The following DUS1L variants were observed in gnomAD, a reference collection of about 807,000 sequenced individuals.
DUS1L encodes the protein dihydrouridine synthase 1 like.
Under a neutral mutation model 61.2 loss-of-function variants are expected in DUS1L, and 56 were observed. The ratio of observed to expected loss-of-function variants is 0.92; its 90% CI spans 0.74 to 1.14. The LOEUF (loss-of-function observed/expected upper bound fraction) is 1.14, where lower values mean the gene tolerates loss of function less well. DUS1L is among the 50% of genes most tolerant of loss of function. The probability of loss-of-function intolerance (pLI) is 0.00; values close to 1 mark genes in which losing one functional copy is unlikely to be tolerated. For synonymous variants in DUS1L, 278 were observed against 259.5 expected (o/e 1.07, Z -0.69); for missense variants, 630 against 632.4 (o/e 1.00, Z 0.04).
rs1324047669 is a variant in DUS1L at position 82,060,098 on chromosome 17, G to C, written c.1023-5C>G. The C allele has an allele frequency of 6.2e-7, 1 of 1,611,942 alleles. No homozygotes were observed. The highest frequency in any genetic ancestry group is 8.5e-7 in the Non-Finnish European group (1 of 1,179,420). On this transcript the variant is annotated splice_polypyrimidine_tract_variant and splice_region_variant and intron_variant, in intron 10 of 13. Transcript: ENST00000306796. ...TCCTTGCTCCCCTCCCTGGGCCTGA[G>C]GGGAGGGCAGCGGGCAGAGCCCAAG... is the stretch of plus-strand genomic sequence containing the variant.
intron 1 of DUS1L, 197 bp from the exon 2 acceptor site, chr17:82,065,266 A>T: frequency 1.8e-6 from 1 of 553,678 alleles, no homozygotes; most frequent in Non-Finnish European, 3.2e-6. Flanking sequence ...ACCTCGGGGG[A>T]GCCGCTGGAC....
chr17:82,060,272 G>A (rs982811263), intron 10 of DUS1L, 179 bp from the exon 11 acceptor site: 7 of 791,162 alleles, frequency 8.8e-6, no homozygotes, highest in Admixed American at 8.8e-5. Context: ...GGAGTCCGGG[G>A]CCTCTGAGAT....
intron 10 of DUS1L, chr17:82,060,412 C>A: frequency 1.7e-6 from 1 of 578,472 alleles, no homozygotes; most frequent in South Asian, 2.3e-5. Context: ...GGCAAATCCA[C>A]CAGGATCAGA....
chr17:82,061,847 G>C, intron 6 of DUS1L, 54 bp downstream of exon 6: 1 of 1,586,970 alleles, frequency 6.3e-7, no homozygotes, highest in Non-Finnish European at 8.6e-7. Flanking sequence ...TGTGGAGCTG[G>C]GACCCCCAGC....
intron 1 of DUS1L, chr17:82,065,403 G>A: frequency 3.7e-6 from 1 of 267,052 alleles, no homozygotes; most frequent in Non-Finnish European, 7.1e-6. Context: ...CCGCCCGGCG[G>A]TGAAGTTAGG....
chr17:82,063,114 G>T, intron 4 of DUS1L, 141 bp from the exon 5 acceptor site: 1 of 725,582 alleles, frequency 1.4e-6, no homozygotes, highest in Non-Finnish European at 2.3e-6. Context: ...CCACCATCTG[G>T]GTGTCTCCCT....
intron 4 of DUS1L, chr17:82,063,187 C>A (rs557110154): frequency 3.2e-6 from 2 of 631,872 alleles, no homozygotes; most frequent in African/African-American, 3.7e-5. Context: ...ACAAGCAGGG[C>A]CAAGGCCGGC....
chr17:82,061,869 G>T, intron 6 of DUS1L, 32 bp downstream of exon 6: 1 of 1,594,026 alleles, frequency 6.3e-7, no homozygotes, highest in Non-Finnish European at 8.6e-7. Context: ...AAGCCCCAAG[G>T]ACTGAGGGCT....
In DUS1L at chr17:82,062,026, C is replaced by G. The variant is rs756780860; in HGVS notation, c.511-43G>C. On this transcript the variant is annotated intron_variant, in intron 5 of 13. Coordinates refer to ENST00000306796, the MANE Select transcript of DUS1L (RefSeq NM_022156.5). The stretch of plus-strand genomic sequence containing the variant: ...TCGCTTGACCCCTCCAAGCCCCTTC[C>G]GCCCCTCAGAGCCCCCTCCGCCCCT... 3 of 1,523,120 alleles carry G rather than the reference C, an allele frequency of 2.0e-6. No homozygotes were observed. In the African/African-American group the frequency reaches 4.1e-5, roughly 21 times the overall value. 94.4% of individuals were successfully genotyped at this position (1,523,120 alleles called of 1,614,324 possible). A position where few individuals can be genotyped will look rare whatever the true frequency, so the allele number is the denominator to read the frequency against.
At chr17:82,060,183 C>T (rs2033410461) in intron 10 of DUS1L, 90 bp from the exon 11 acceptor site, 1 of 1,500,952 alleles carries the variant, frequency 6.7e-7, no homozygotes, top group Non-Finnish European at 8.9e-7. Context: ...GGTGAGGGGC[C>T]AGGCGGCCGT....
intron 10 of DUS1L, 185 bp downstream of exon 10, chr17:82,060,516 G>A: frequency 1.4e-6 from 1 of 705,638 alleles, no homozygotes; most frequent in Non-Finnish European, 2.3e-6. Context: ...CCTCCACCAA[G>A]GACACCGAGG....
chr17:82,058,293 G>A (rs563712584), intron 13 of DUS1L, 39 bp from the exon 14 acceptor site: 20 of 1,539,758 alleles, frequency 1.3e-5, no homozygotes, highest in African/African-American at 5.5e-5. Context: ...GTCAGGAGGC[G>A]GAGGGGGTCT....
intron 1 of DUS1L, 154 bp from the exon 2 acceptor site, chr17:82,065,223 A>T: frequency 1.5e-6 from 1 of 646,110 alleles, no homozygotes; most frequent in Non-Finnish European, 2.6e-6. Context: ...CAGGCTGGAG[A>T]ACGGCCACTC....
Position 82,064,202 on chromosome 17 carries a change from C to A in DUS1L, c.270G>T (p.Gln90His). 1 of 1,612,532 alleles carries A rather than the reference C, an allele frequency of 6.2e-7. No homozygotes were observed. Reference sequence around the variant, plus strand: ...AGTAATCCTGAGCCAGGAGAGCCGCCTGAACAAACACCTCCGGGTCATTGG... The same window carrying A: ...AGTAATCCTGAGCCAGGAGAGCCGCATGAACAAACACCTCCGGGTCATTGG... ...FCANDPEVFVQAALLAQDYCD... is the reference protein window; with the variant it reads ...FCANDPEVFVHAALLAQDYCD... Residue 90 changes from glutamine (Q) to histidine (H), a missense_variant, in exon 3 of 14, where the codon CAG becomes CAT. By Grantham distance (24) the Gln-to-His change is conservative. Coordinates refer to ENST00000306796, the MANE Select transcript of DUS1L (RefSeq NM_022156.5).
rs1208304359 is a variant in DUS1L, at chr17:82,062,983, A to G, written c.398-10T>C. ...TCGTGGGCCAGCAAAACTGGGGAGA[A>G]GAGAGGCAGCTTCTGAGGGGGCCAT... On this transcript the variant is annotated splice_polypyrimidine_tract_variant and intron_variant, in intron 4 of 13. Transcript: ENST00000306796. 1 of 1,609,742 alleles carries G rather than the reference A, an allele frequency of 6.2e-7. No individual in the cohort carries two copies.
chr17:82,062,057 C>T, intron 5 of DUS1L, 74 bp from the exon 6 acceptor site: 1 of 1,321,490 alleles, frequency 7.6e-7, no homozygotes, highest in Non-Finnish European at 1.0e-6. Flanking sequence ...CCCCTCCACG[C>T]CCCCTCTGCC....
intron 11 of DUS1L, 79 bp from the exon 12 acceptor site, chr17:82,058,897 G>T: frequency 7.5e-7 from 1 of 1,331,068 alleles, no homozygotes; most frequent in Non-Finnish European, 1.1e-6. Context: ...CCGCCTGCAC[G>T]GAGCCTGCTG....
At chr17:82,063,145 C>T (rs1440695484) in intron 4 of DUS1L, 172 bp from the exon 5 acceptor site, 1 of 653,622 alleles carries the variant, frequency 1.5e-6, no homozygotes, top group Non-Finnish European at 2.7e-6. Context: ...GGCAGGCTCC[C>T]TCCGCCATAC....
chr17:82,058,370 C>T lies in DUS1L; in HGVS notation c.1253G>A (p.Arg418Gln), dbSNP rs376659580. ...FSLCRGCCKKRASKETADCPG... is the reference protein window; with the variant it reads ...FSLCRGCCKKQASKETADCPG... ...GCAGTCTGCAGTCTCTTTGGAGGCT[C>T]GCTTCTTGCAGCAGCCGCGGCACAG... Residue 418 changes from arginine (R) to glutamine (Q), a missense_variant, in exon 13 of 14, where the codon CGA becomes CAA. Coordinates refer to ENST00000306796, the MANE Select transcript of DUS1L (RefSeq NM_022156.5). The T allele has an allele frequency of 1.8e-5, 27 of 1,488,770 alleles. No homozygotes were observed. The highest frequency in any genetic ancestry group is 7.0e-5 in the South Asian group (5 of 71,462). 92.2% of individuals were successfully genotyped at this position (1,488,770 alleles called of 1,614,324 possible). A position where few individuals can be genotyped will look rare whatever the true frequency, so the allele number is the denominator to read the frequency against.
Sources: allele counts gnomAD v4.1 joint callset, GRCh38; gene constraint gnomAD v4.1.1; transcripts MANE v1.5; gene names NCBI Gene and HGNC (gene_info 2026-07-23, HGNC 2026-07-21).